The following POLA1 variants were observed in gnomAD, a reference collection of about 807,000 sequenced individuals.
POLA1 encodes DNA polymerase alpha 1, catalytic subunit.
Under a neutral mutation model 124.0 loss-of-function variants are expected in POLA1, and 15 were observed. That is an observed-to-expected ratio of 0.12 (90% CI 0.08 to 0.19). The LOEUF is 0.19. Ranked by LOEUF, POLA1 falls within the 10% of genes least tolerant of loss-of-function variation. The pLI, the probability that POLA1 is intolerant of heterozygous loss-of-function variation, is 1.00. For synonymous variants in POLA1, 408 were observed against 389.4 expected, an observed-to-expected ratio of 1.05 and a Z score of -0.56; for missense variants, 886 against 1,103.4, an observed-to-expected ratio of 0.80 and a Z score of 2.79.
intron 36 of POLA1, among the ~76,000 whole-genome samples, chrX:24,945,682 A>G (rs1221004131): frequency 9.0e-6 from 1 of 111,437 alleles, no homozygotes; most frequent in South Asian, 3.9e-4. Context: ...GGTGATTCTG[A>G]TGCACACCCA....
In POLA1 at chrX:24,717,692, G is replaced by T. The variant is rs143377461; in HGVS notation, c.1021G>T (p.Ala341Ser). ...CAGTCACCTCCCATTGGTAAAAGGG[G>T]CAGATGAGGAACAAGTATTCCACTT... ...DSSHLPLVKG[A>S]DEEQVFHFYW... The change falls in exon 10 of 37, where the codon GCA becomes TCA. Residue 341 changes from alanine (A) to serine (S), a missense_variant. Around this residue, in one of 7 missense-constraint regions of POLA1, gnomAD observed 337 missense variants for 402.8 expected, o/e 0.84. Coordinates refer to ENST00000379068, the MANE Select transcript of POLA1 (RefSeq NM_001330360.2). The T allele has an allele frequency of 4.0e-4, 479 of 1,206,078 alleles. No individual in the cohort carries two copies. Among genetic ancestry groups the T allele is most frequent in the Non-Finnish European group, 5.1e-4 (456 of 892,113 alleles).
At chrX:24,862,148 A>G (rs769204168) in intron 34 of POLA1, among the ~76,000 whole-genome samples, 29 of 112,157 alleles carry the variant, frequency 2.6e-4, no homozygotes, top group Non-Finnish European at 2.4e-4. Flanking sequence ...GTGACTGCAA[A>G]AGCAAAATAA....
At chrX:24,709,513 C>T (rs1423886416) in intron 4 of POLA1, among the ~76,000 whole-genome samples, 2 of 109,005 alleles carry the variant, frequency 1.8e-5, no homozygotes, top group Admixed American at 9.5e-5. Flanking sequence ...CCCTCCCGGA[C>T]GGGGTGGCTG....
chrX:24,875,324 A>G (rs1324083387), intron 34 of POLA1, among the ~76,000 whole-genome samples: 1 of 111,799 alleles, frequency 8.9e-6, no homozygotes, highest in Non-Finnish European at 1.9e-5. Flanking sequence ...CATCAATTCT[A>G]TCTGATCAAA....
At chrX:24,971,061 T>C (rs1466668568) in intron 36 of POLA1, among the ~76,000 whole-genome samples, 1 of 112,782 alleles carries the variant, frequency 8.9e-6, no homozygotes, top group Non-Finnish European at 1.9e-5. Context: ...ATTTTAAATT[T>C]TTTTAAATAA....
intron 36 of POLA1, among the ~76,000 whole-genome samples, chrX:24,953,701 T>A (rs2147250626): frequency 9.0e-6 from 1 of 111,649 alleles, no homozygotes; most frequent in Admixed American, 9.5e-5. Context: ...TGGTAAGGAG[T>A]GTGGTATTTC....
chrX:24,896,878 G>T, intron 35 of POLA1, among the ~76,000 whole-genome samples: 1 of 112,293 alleles, frequency 8.9e-6, no homozygotes, highest in East Asian at 2.8e-4. Context: ...GTATTTGCTA[G>T]ATTCGTAAGA....
chrX:24,861,641 T>G (rs2046717213), intron 34 of POLA1, among the ~76,000 whole-genome samples: 1 of 112,441 alleles, frequency 8.9e-6, no homozygotes, highest in Admixed American at 9.4e-5. Context: ...GATGGGCTAT[T>G]TGGAAGAAAC....
intron 4 of POLA1, among the ~76,000 whole-genome samples, chrX:24,705,066 A>G (rs751283743): frequency 9.0e-6 from 1 of 110,759 alleles, no homozygotes; most frequent in African/African-American, 3.3e-5. Context: ...TGAGTGGTAG[A>G]TTGGGGTCAG....
chrX:24,907,297 T>A (rs1017243174), intron 35 of POLA1, among the ~76,000 whole-genome samples: 1 of 110,777 alleles, frequency 9.0e-6, no homozygotes, highest in East Asian at 2.8e-4. Context: ...AATCTGACAG[T>A]CATGTCATTG....
Position 24,908,491 on chromosome X carries a change from T to C in POLA1, c.4164+20369T>C, listed in dbSNP as rs747514793. ...CCTATGAGAACATGCGGTGTTTGGT[T>C]TTTTTGTCCTTGCGATAGTTTGCTG... On this transcript the variant is annotated intron_variant, in intron 35 of 36. Coordinates refer to ENST00000379068, the MANE Select transcript of POLA1 (RefSeq NM_001330360.2). Among the ~76,000 whole-genome samples, 3 of 105,655 alleles carry C rather than the reference T, an allele frequency of 2.8e-5. No individual in the cohort carries two copies. The South Asian group carries it at 1.4e-3, about 48-fold the overall frequency. The allele number at this position is 105,655 out of a possible 115,157, so 91.7% of individuals were successfully genotyped here.
chrX:24,972,351 G>T (rs1320519964), intron 36 of POLA1, among the ~76,000 whole-genome samples: 1 of 112,147 alleles, frequency 8.9e-6, no homozygotes, highest in Non-Finnish European at 1.9e-5. Flanking sequence ...GGGAAATTAT[G>T]AGTGGGTATT....
intron 17 of POLA1, among the ~76,000 whole-genome samples, chrX:24,734,534 G>T (rs1931143332): frequency 9.0e-6 from 1 of 111,568 alleles, no homozygotes; most frequent in African/African-American, 3.3e-5. Flanking sequence ...TAGTTGGGAG[G>T]TACTGTTAGA....
chrX:24,987,119 A>T (rs2048488422), intron 36 of POLA1, among the ~76,000 whole-genome samples: 1 of 112,258 alleles, frequency 8.9e-6, no homozygotes, highest in South Asian at 3.8e-4. Context: ...ACTCACTCTG[A>T]GGGAAACCAG....
In POLA1 at chrX:24,702,682, A is replaced by G. The variant is rs761037510; in HGVS notation, c.169-569A>G. On this transcript the variant is annotated intron_variant, in intron 2 of 36. Transcript: ENST00000379068. Reference sequence around the variant, plus strand: ...TGGTGGAGTTTCAGTGGTAATACAAACAGGGTCACTCAAAAACTATTTCTG... The same window carrying G: ...TGGTGGAGTTTCAGTGGTAATACAAGCAGGGTCACTCAAAAACTATTTCTG... Among the ~76,000 whole-genome samples the G allele has an allele frequency of 8.0e-5, 9 of 112,437 alleles. 1 individual carries two copies. In the East Asian group the frequency reaches 1.4e-3, roughly 18 times the overall value.
chrX:24,786,439 C>T, intron 26 of POLA1, among the ~76,000 whole-genome samples: 1 of 111,555 alleles, frequency 9.0e-6, no homozygotes. Flanking sequence ...TACCTATTGG[C>T]CGTTTCTGTG....
intron 34 of POLA1, among the ~76,000 whole-genome samples, chrX:24,886,926 A>G (rs1170187555): frequency 4.5e-5 from 5 of 111,642 alleles, no homozygotes; most frequent in African/African-American, 9.8e-5. Flanking sequence ...AGAAGTTGCC[A>G]TGTCTCAAAA....
At chrX:24,806,616 T>G (rs763904473) in intron 26 of POLA1, among the ~76,000 whole-genome samples, 80 of 111,671 alleles carry the variant, frequency 7.2e-4, no homozygotes, top group African/African-American at 2.5e-3. Context: ...TGAGGCCCAC[T>G]GAAAAGATGG....
intron 26 of POLA1, among the ~76,000 whole-genome samples, chrX:24,773,252 A>G (rs901618176): frequency 1.8e-5 from 2 of 112,556 alleles, no homozygotes; most frequent in African/African-American, 6.5e-5. Flanking sequence ...CAGAACAACT[A>G]TACTCTGGAA....
Sources: gnomAD v4.1 joint callset for allele counts (sites outside exome capture counted in the v4.1 genomes callset) on GRCh38, gnomAD v4.1.1 for gene constraint, gnomAD v4.1.1 regional missense constraint, MANE v1.5 for transcripts, NCBI Gene and HGNC (gene_info 2026-07-23, HGNC 2026-07-21) for gene names.